ABCA1: variants seen among roughly 807,000 people sequenced by gnomAD.
ABCA1 encodes phospholipid-transporting ATPase ABCA1.
A neutral mutation model predicts 262.5 loss-of-function variants in ABCA1; 133 were observed. The observed-to-expected ratio is 0.51, with a 90% CI of 0.44 to 0.59. The LOEUF (loss-of-function observed/expected upper bound fraction) is 0.59. ABCA1 is among the 20% of genes least tolerant of loss of function. ABCA1 has a pLI of 0.00. For missense variants in ABCA1, 2,452 were observed against 2,777.5 expected (o/e 0.88, Z 2.63); for synonymous variants, 1,022 against 1,043.5 (o/e 0.98, Z 0.40).
chr9:104,860,053 C>CAAA lies in ABCA1; in HGVS notation c.544-1358_544-1356dup, dbSNP rs200596186. Reference sequence around the variant, plus strand: ...TGGGTGACAGAGCGAGACTCCAACTCAAAAAAAAAAAAAAAAAAAGAATAC... The same window carrying CAAA: ...TGGGTGACAGAGCGAGACTCCAACTCAAAAAAAAAAAAAAAAAAAAAAGAATAC... On this transcript the variant is annotated intron_variant, in intron 6 of 49. Transcript: ENST00000374736. Among the ~76,000 whole-genome samples the CAAA allele has an allele frequency of 8.6e-4, 54 of 62,696 alleles. 1 individual carries two copies. Among genetic ancestry groups the CAAA allele is most frequent in the African/African-American group, 2.2e-3 (50 of 23,154 alleles). The allele number at this position is 62,696 out of a possible 152,430, so 41.1% of individuals were successfully genotyped here. A position where few individuals can be genotyped will look rare whatever the true frequency, so the allele number is the denominator to read the frequency against.
Position 104,783,975 on chromosome 9 carries a change from A to C in ABCA1, c.*340T>G. ...CTTGATGAATTATTGTTGCAACCCC[A>C]ATGAGAATACACAGGAACAAAAAAA... is the stretch of plus-strand genomic sequence containing the variant. On this transcript the variant is annotated 3_prime_UTR_variant, in exon 50 of 50. Coordinates refer to ENST00000374736, the MANE Select transcript of ABCA1 (RefSeq NM_005502.4). The C allele has an allele frequency of 4.5e-6, 1 of 222,236 alleles. No individual in the cohort carries two copies. The highest frequency in any genetic ancestry group is 9.0e-6 in the Non-Finnish European group (1 of 111,282). The allele number at this position is 222,236 out of a possible 1,614,324, so 13.8% of individuals were successfully genotyped here. A position where few individuals can be genotyped will look rare whatever the true frequency, so the allele number is the denominator to read the frequency against.
At chr9:104,878,475 A>C (rs559067532) in intron 5 of ABCA1, among the ~76,000 whole-genome samples, 1 of 152,338 alleles carries the variant, frequency 6.6e-6, no homozygotes, top group South Asian at 2.1e-4. Flanking sequence ...AGAGCACTGT[A>C]GAAGGAGAAC....
chr9:104,822,775 TC>T, intron 18 of ABCA1, 108 bp from the exon 19 acceptor site: 2 of 1,296,804 alleles, frequency 1.5e-6, no homozygotes, highest in Non-Finnish European at 2.2e-6. Context: ...TCTCTCCATG[TC>T]CACCCTGGTT....
At chr9:104,832,053 T>C (rs1316218381) in intron 12 of ABCA1, among the ~76,000 whole-genome samples, 21 of 152,224 alleles carry the variant, frequency 1.4e-4, no homozygotes, top group Non-Finnish European at 7.3e-5. Flanking sequence ...TGTTATTTAT[T>C]GATTTTGTGG....
chr9:104,843,210 A>ATT (rs1335589292), intron 8 of ABCA1, among the ~76,000 whole-genome samples: 1 of 152,002 alleles, frequency 6.6e-6, no homozygotes. Flanking sequence ...CTCTCACCCT[A>ATT]TACGTGCCCC....
intron 25 of ABCA1, among the ~76,000 whole-genome samples, chr9:104,814,725 G>A (rs1312291326): frequency 2.0e-5 from 3 of 152,238 alleles, no homozygotes; most frequent in Admixed American, 6.5e-5. Context: ...GCTGAGCGCT[G>A]TGGCTCAGGC....
chr9:104,784,419 C>T lies in ABCA1; in HGVS notation c.6682G>A (p.Asp2228Asn), dbSNP rs923910019. Residue 2228 changes from aspartate to asparagine, a missense_variant, in exon 50 of 50, where the codon GAC (aspartate) becomes AAC (asparagine). This residue lies in a region of ABCA1 where 752 missense variants were observed against 944.5 expected (regional missense o/e 0.80). Transcript: ENST00000374736. ...TGTAATGAGAGGTCTTTTAAGTGGT[C>T]ATCATCACTTTGGTCCTTGGCAAAG... ...VNFAKDQSDD[D>N]HLKDLSLHKN... The T allele has an allele frequency of 3.1e-6, 5 of 1,613,906 alleles. No homozygotes were observed. In the African/African-American group the frequency reaches 6.7e-5, roughly 22 times the overall value.
intron 19 of ABCA1, 129 bp downstream of exon 19, chr9:104,822,367 A>G: frequency 8.1e-7 from 1 of 1,233,514 alleles, no homozygotes; most frequent in Non-Finnish European, 1.2e-6. Flanking sequence ...ACATGTTCAC[A>G]TTCGGCAACT....
chr9:104,900,298 A>G (rs1193804285), intron 2 of ABCA1, among the ~76,000 whole-genome samples: 1 of 152,154 alleles, frequency 6.6e-6, no homozygotes, highest in Non-Finnish European at 1.5e-5. Flanking sequence ...GGGCCTTAAG[A>G]CATTTCCCAC....
chr9:104,784,707 G>GTCT (rs1828762584), intron 49 of ABCA1, among the ~76,000 whole-genome samples: 1 of 152,152 alleles, frequency 6.6e-6, no homozygotes, highest in Non-Finnish European at 1.5e-5. Flanking sequence ...GCAGTGGCGA[G>GTCT]ACCTTGGCTC....
intron 7 of ABCA1, among the ~76,000 whole-genome samples, chr9:104,854,676 TACAC>T (rs1835679113): frequency 2.6e-5 from 4 of 152,062 alleles, no homozygotes; most frequent in Non-Finnish European, 5.9e-5. Flanking sequence ...TACAGCAAAA[TACAC>T]CTTGCTGAGC....
At chr9:104,818,577 G>A in intron 23 of ABCA1, 86 bp downstream of exon 23, 2 of 1,281,634 alleles carry the variant, frequency 1.6e-6, no homozygotes, top group African/African-American at 1.5e-5. Context: ...CATGGCAAAA[G>A]GGGTGGAGAT....
chr9:104,925,073 G>A (rs1272821599), intron 1 of ABCA1, among the ~76,000 whole-genome samples: 3 of 152,136 alleles, frequency 2.0e-5, no homozygotes, highest in African/African-American at 7.2e-5. Context: ...CCGAAAATAT[G>A]TTCTAAGTCA....
chr9:104,910,407 T>C (rs116021025), intron 1 of ABCA1, among the ~76,000 whole-genome samples: 1,595 of 152,342 alleles, frequency 0.01, 33 homozygotes, highest in African/African-American at 0.036. Context: ...ACAACTCTTA[T>C]ATGCCCCTTC....
intron 5 of ABCA1, among the ~76,000 whole-genome samples, chr9:104,877,016 A>T (rs75516297): frequency 6.6e-6 from 1 of 152,218 alleles, no homozygotes; most frequent in Non-Finnish European, 1.5e-5. Context: ...CATATTGCTA[A>T]GACCCCCAGA....
intron 1 of ABCA1, among the ~76,000 whole-genome samples, chr9:104,914,355 G>A (rs1281400238): frequency 1.3e-5 from 2 of 151,718 alleles, no homozygotes; most frequent in African/African-American, 2.4e-5. Context: ...GTGGGTGCCT[G>A]TAATCTCAGC....
chr9:104,893,438 A>G (rs1199191730), intron 2 of ABCA1, among the ~76,000 whole-genome samples: 123 of 118,936 alleles, frequency 1.0e-3, no homozygotes, highest in East Asian at 2.0e-3. Flanking sequence ...AAAAAAAAAA[A>G]AAAAAAAAAA....
intron 1 of ABCA1, among the ~76,000 whole-genome samples, chr9:104,918,829 G>A (rs1841980124): frequency 6.6e-6 from 1 of 152,118 alleles, no homozygotes; most frequent in Non-Finnish European, 1.5e-5. Flanking sequence ...TTATGTCAAA[G>A]TGTATCACCT....
At chr9:104,821,639 A>C (rs1832360520) in intron 19 of ABCA1, 133 bp from the exon 20 acceptor site, 1 of 1,041,484 alleles carries the variant, frequency 9.6e-7, no homozygotes, top group Non-Finnish European at 1.4e-6. Context: ...GAACCCTACC[A>C]GACCCACACA....
Sources: allele counts gnomAD v4.1 joint callset (sites outside exome capture counted in the v4.1 genomes callset), GRCh38; gene constraint gnomAD v4.1.1; regional missense constraint gnomAD v4.1.1; transcripts MANE v1.5; gene names NCBI Gene and HGNC (gene_info 2026-07-23, HGNC 2026-07-21).